The following BRIX1 variants were observed in gnomAD, a reference collection of about 807,000 sequenced individuals.
BRIX1 encodes biogenesis of ribosomes BRX1, also known as ribosome biogenesis protein BRX1 homolog.
BRIX1 carries 15 observed loss-of-function variants against 44.0 expected under a neutral mutation model. The ratio of observed to expected loss-of-function variants is 0.34; its 90% confidence interval spans 0.23 to 0.53. The LOEUF (loss-of-function observed/expected upper bound fraction) is 0.53. BRIX1 is among the 20% of genes least tolerant of loss of function. The probability of loss-of-function intolerance (pLI) is 0.95; values close to 1 mark genes in which losing one functional copy is unlikely to be tolerated. For synonymous variants in BRIX1, 149 were observed against 135.4 expected, an observed-to-expected ratio of 1.10 and a Z score of -0.70; for missense variants, 420 against 432.8, an observed-to-expected ratio of 0.97 and a Z score of 0.26.
chr5:34,919,911 A>G (rs996118602), intron 3 of BRIX1, 28 bp downstream of exon 3: 7 of 897,560 alleles, frequency 7.8e-6, no homozygotes, highest in Admixed American at 2.3e-5. Flanking sequence ...TTGCAACAAA[A>G]TATTTTTAAA....
intron 6 of BRIX1, 65 bp downstream of exon 6, chr5:34,922,833 AT>A: frequency 6.9e-7 from 1 of 1,441,408 alleles, no homozygotes; most frequent in Non-Finnish European, 9.7e-7. Flanking sequence ...TTTAGTAGAT[AT>A]AGTTGTGTTA....
chr5:34,916,468 T>C (rs1271271377), intron 1 of BRIX1: 3 of 152,250 alleles, frequency 2.0e-5, no homozygotes, highest in Non-Finnish European at 4.4e-5. Flanking sequence ...TGTACCAAGT[T>C]AGGCTTCCTT....
chr5:34,918,492 T>C lies in BRIX1; in HGVS notation c.271+17T>C, dbSNP rs1017610705. 2.1e-6 allele frequency: 3 copies of C among 1,422,904 alleles called. No individual in the cohort carries two copies. The highest frequency in any genetic ancestry group is 2.9e-6 in the Non-Finnish European group (3 of 1,045,440). The allele number at this position is 1,422,904 out of a possible 1,614,324, so 88.1% of individuals were successfully genotyped here. A position where few individuals can be genotyped will look rare whatever the true frequency, so the allele number is the denominator to read the frequency against. ...CTAAAGCAGGTGCCTTTATATCATA[T>C]ACTTTAGAAATTTCTATCTATAAAC... On this transcript the variant is annotated intron_variant, in intron 2 of 9. Transcript: ENST00000336767.
At chr5:34,923,595 G>T (rs2111985982) in intron 8 of BRIX1, among the ~76,000 whole-genome samples, 1 of 152,000 alleles carries the variant, frequency 6.6e-6, no homozygotes, top group East Asian at 1.9e-4. Flanking sequence ...TTTTTTTAGA[G>T]ATAGAGTGTC....
At chr5:34,917,892 T>A (rs529394313) in intron 1 of BRIX1, among the ~76,000 whole-genome samples, 1 of 151,876 alleles carries the variant, frequency 6.6e-6, no homozygotes, top group Non-Finnish European at 1.5e-5. Flanking sequence ...GAGATTGAAG[T>A]TGAAAAACAA....
chr5:34,919,616 C>T (rs1377724482), intron 2 of BRIX1, among the ~76,000 whole-genome samples: 1 of 152,164 alleles, frequency 6.6e-6, no homozygotes, highest in Non-Finnish European at 1.5e-5. Context: ...ACTATAATTT[C>T]TAATTCTTAC....
chr5:34,921,902 C>T (rs557061448), intron 3 of BRIX1: 168 of 130,602 alleles, frequency 1.3e-3, no homozygotes, highest in African/African-American at 5.3e-3. Flanking sequence ...AGCGAAACTG[C>T]ATCGCAAAAA....
chr5:34,924,798 T>C (rs759992103), intron 8 of BRIX1, 49 bp from the exon 9 acceptor site: 3 of 1,342,888 alleles, frequency 2.2e-6, no homozygotes, highest in Non-Finnish European at 3.2e-6. Flanking sequence ...GTATACCTTT[T>C]GGGAATAACG....
intron 3 of BRIX1, chr5:34,922,010 T>C: frequency 3.1e-6 from 1 of 321,448 alleles, no homozygotes; most frequent in Non-Finnish European, 5.6e-6. Context: ...ACCCAAGATA[T>C]GGGCAGAGCA....
At chr5:34,923,077 C>T (rs763399713) in intron 7 of BRIX1, 26 bp downstream of exon 7, 2 of 1,572,956 alleles carry the variant, frequency 1.3e-6, no homozygotes, top group South Asian at 2.2e-5. Flanking sequence ...ATTAGCTATC[C>T]AAAATATACA....
rs1450452925 is a variant in BRIX1 at position 34,925,203 on chromosome 5, TAATC to T, written c.793-22_793-19del. 7 of 1,527,466 alleles carry T rather than the reference TAATC, an allele frequency of 4.6e-6. No individual in the cohort carries two copies. The highest frequency in any genetic ancestry group is 4.6e-5 in the East Asian group (2 of 43,140). The allele number at this position is 1,527,466 out of a possible 1,614,324, so 94.6% of individuals were successfully genotyped here. A position where few individuals can be genotyped will look rare whatever the true frequency, so the allele number is the denominator to read the frequency against. On this transcript the variant is annotated intron_variant, in intron 9 of 9. Coordinates refer to ENST00000336767, the MANE Select transcript of BRIX1 (RefSeq NM_018321.4). ...TGTTTATTTTTATTTCAAAAGCATC[TAATC>T]TTTTTTTTTTTTTTTTAGCATCGGC...
chr5:34,922,125 T>C (rs1025030677), intron 3 of BRIX1, 92 bp from the exon 4 acceptor site: 8 of 675,500 alleles, frequency 1.2e-5, no homozygotes, highest in Middle Eastern at 2.8e-4. Flanking sequence ...TTAGGTATTT[T>C]TGAGATAATC....
intron 1 of BRIX1, chr5:34,918,160 ACT>A: frequency 6.8e-5 from 24 of 351,440 alleles, no homozygotes; most frequent in Middle Eastern, 7.9e-4. Context: ...AAAAAAAAAA[ACT>A]AGCTGGACAT....
intron 8 of BRIX1, chr5:34,923,466 C>T (rs1304647663): frequency 3.7e-5 from 18 of 487,966 alleles, no homozygotes; most frequent in Non-Finnish European, 5.9e-5. Flanking sequence ...TTAGTAGAGA[C>T]GGGGTTTCGC....
At chr5:34,916,185 G>GC (rs1764082438) in intron 1 of BRIX1, 1 of 220,836 alleles carries the variant, frequency 4.5e-6, no homozygotes, top group South Asian at 1.3e-4. Flanking sequence ...TTGTTCAGTT[G>GC]TTTTTTTTTT....
At chr5:34,921,727 G>A (rs1445466210) in intron 3 of BRIX1, 1 of 152,486 alleles carries the variant, frequency 6.6e-6, no homozygotes, top group African/African-American at 2.4e-5. Flanking sequence ...CCAACATGGA[G>A]AAACCCCATC....
Position 34,923,053 on chromosome 5 carries a change from T to G in BRIX1, c.561+2T>G. 6.4e-7 allele frequency: 1 copy of G among 1,555,062 alleles called. No homozygotes were observed. Among genetic ancestry groups the G allele is most frequent in the Non-Finnish European group, 8.9e-7 (1 of 1,127,072 alleles). ...TTGTTAAAAGAACTCTTAATTCAGG[T>G]AAATATCTTTAAAATTAGCTATCCA... is the stretch of plus-strand genomic sequence containing the variant. On this transcript the variant is annotated splice_donor_variant, in intron 7 of 9. Transcript: ENST00000336767. LOFTEE classifies it high-confidence loss of function.
At chr5:34,918,159 A>C (rs908868053) in intron 1 of BRIX1, 2 of 355,962 alleles carry the variant, frequency 5.6e-6, no homozygotes, top group African/African-American at 4.3e-5. Flanking sequence ...AAAAAAAAAA[A>C]ACTAGCTGGA....
Position 34,918,480 on chromosome 5 carries a change from C to T in BRIX1, c.271+5C>T. Reference sequence around the variant, plus strand: ...TGATGCCTCATTCTAAAGCAGGTGCCTTTATATCATATACTTTAGAAATTT... The same window carrying T: ...TGATGCCTCATTCTAAAGCAGGTGCTTTTATATCATATACTTTAGAAATTT... On this transcript the variant is annotated splice_donor_5th_base_variant and intron_variant, in intron 2 of 9. Coordinates refer to ENST00000336767, the MANE Select transcript of BRIX1 (RefSeq NM_018321.4). 1 of 1,537,216 alleles carries T rather than the reference C, an allele frequency of 6.5e-7. No individual in the cohort carries two copies. Among genetic ancestry groups the T allele is most frequent in the Non-Finnish European group, 8.9e-7 (1 of 1,128,714 alleles).
Sources: allele counts gnomAD v4.1 joint callset (sites outside exome capture counted in the v4.1 genomes callset), GRCh38; gene constraint gnomAD v4.1.1; transcripts MANE v1.5; gene names NCBI Gene and HGNC (gene_info 2026-07-23, HGNC 2026-07-21).